Variants in CSMD1 observed in about 807,000 individuals in gnomAD.
CSMD1 encodes the protein CUB and Sushi multiple domains 1, also known as CUB and sushi domain-containing protein 1.
In CSMD1, 213 loss-of-function variants were observed where a neutral mutation model predicts 417.5. That is an observed-to-expected ratio of 0.51 (90% CI 0.46 to 0.57). The LOEUF (loss-of-function observed/expected upper bound fraction) is 0.57, where lower values mean the gene tolerates loss of function less well. Among genes scored for constraint, CSMD1 ranks in the 20% least tolerant of loss-of-function variants. CSMD1 has a pLI of 0.00. For missense variants in CSMD1, 6,923 were observed against 4,529.7 expected, an observed-to-expected ratio of 1.53 and a Z score of -15.17; for synonymous variants, 2,862 against 1,736.8, an observed-to-expected ratio of 1.65 and a Z score of -16.11.
intron 10 of CSMD1, among the ~76,000 whole-genome samples, chr8:3,514,782 T>C (rs901902668): frequency 1.3e-5 from 2 of 152,180 alleles, no homozygotes; most frequent in Non-Finnish European, 2.9e-5. Context: ...CATGATCCTT[T>C]AGTGATTAAA....
chr8:4,144,174 A>G (rs1202736349), intron 3 of CSMD1, among the ~76,000 whole-genome samples: 1 of 151,012 alleles, frequency 6.6e-6, no homozygotes, highest in African/African-American at 2.5e-5. Flanking sequence ...GGAAGACAGC[A>G]CGAATTGGCC....
chr8:4,335,119 C>G (rs1455923282), intron 3 of CSMD1, among the ~76,000 whole-genome samples: 1 of 152,078 alleles, frequency 6.6e-6, no homozygotes, highest in East Asian at 1.9e-4. Context: ...CCAGATTGAT[C>G]TTCAACTTCT....
intron 3 of CSMD1, among the ~76,000 whole-genome samples, chr8:4,184,282 C>T (rs943016400): frequency 1.3e-5 from 2 of 152,122 alleles, no homozygotes; most frequent in East Asian, 1.9e-4. Context: ...TATAATCTAA[C>T]GCTATTCAGG....
intron 12 of CSMD1, among the ~76,000 whole-genome samples, chr8:3,443,084 G>C (rs543167384): frequency 6.6e-6 from 1 of 152,308 alleles, no homozygotes; most frequent in East Asian, 1.9e-4. Context: ...TCAAGGCCAT[G>C]GACTTGCATT....
At chr8:3,709,689 T>TG (rs1277902529) in intron 6 of CSMD1, among the ~76,000 whole-genome samples, 1 of 117,672 alleles carries the variant, frequency 8.5e-6, no homozygotes, top group African/African-American at 3.1e-5. Context: ...TGTTTTTTTT[T>TG]TTTTTTTTTT....
chr8:4,164,881 A>C (rs1485040337), intron 3 of CSMD1, among the ~76,000 whole-genome samples: 1 of 52,258 alleles, frequency 1.9e-5, no homozygotes, highest in Non-Finnish European at 3.7e-5. Context: ...CATCTCAAAG[A>C]AAAAAAAAAA....
rs116115837 is a variant in CSMD1 at position 4,062,751 on chromosome 8, A to G, written c.416-30652T>C. ...ATCAAATTCAAAAAAAAAAAAAGGCAGGTTCTGCATGCTCAGTAAAATCTG... is the reference window on the plus strand; with the variant it reads ...ATCAAATTCAAAAAAAAAAAAAGGCGGGTTCTGCATGCTCAGTAAAATCTG... On this transcript the variant is annotated intron_variant, in intron 3 of 69. Coordinates refer to ENST00000635120, the MANE Select transcript of CSMD1 (RefSeq NM_033225.6). 2.6e-3 allele frequency among the ~76,000 whole-genome samples: 389 copies of G among 151,800 alleles called. 4 individuals carry two copies. The highest frequency in any genetic ancestry group is 9.0e-3 in the African/African-American group (371 of 41,450).
At chr8:4,484,396 G>C (rs957959123) in intron 2 of CSMD1, among the ~76,000 whole-genome samples, 1 of 152,036 alleles carries the variant, frequency 6.6e-6, no homozygotes, top group African/African-American at 2.4e-5. Flanking sequence ...TCTCATTCAC[G>C]AACTATATCA....
chr8:4,056,493 G>A (rs186958060), intron 3 of CSMD1, among the ~76,000 whole-genome samples: 34 of 151,320 alleles, frequency 2.2e-4, no homozygotes, highest in African/African-American at 8.2e-4. Context: ...TGAGAGTCCT[G>A]AAAAATATTG....
chr8:4,002,127 G>A lies in CSMD1; in HGVS notation c.611-4017C>T, dbSNP rs543440543. On this transcript the variant is annotated intron_variant, in intron 4 of 69. Coordinates refer to ENST00000635120, the MANE Select transcript of CSMD1 (RefSeq NM_033225.6). ...ATAAGACAAACAAAAAAACTTCATGGTACTCATGGGATAAAATGCTTAAAT... is the reference window on the plus strand; with the variant it reads ...ATAAGACAAACAAAAAAACTTCATGATACTCATGGGATAAAATGCTTAAAT... 3.1e-4 allele frequency among the ~76,000 whole-genome samples: 47 copies of A among 152,150 alleles called. No homozygotes were observed. The South Asian group carries it at 6.2e-3, about 20-fold the overall frequency.
At chr8:4,865,795 A>G (rs1277445118) in intron 1 of CSMD1, among the ~76,000 whole-genome samples, 2 of 151,892 alleles carry the variant, frequency 1.3e-5, no homozygotes, top group African/African-American at 4.8e-5. Flanking sequence ...TGCATTGCCC[A>G]GTTTTTTAAA....
intron 26 of CSMD1, among the ~76,000 whole-genome samples, chr8:3,255,491 C>G (rs926748894): frequency 6.6e-6 from 1 of 152,206 alleles, no homozygotes; most frequent in Non-Finnish European, 1.5e-5. Flanking sequence ...GCAGGCAGGC[C>G]TCCTTGAGCT....
intron 1 of CSMD1, among the ~76,000 whole-genome samples, chr8:4,873,183 G>T (rs932724354): frequency 6.6e-6 from 1 of 152,066 alleles, no homozygotes; most frequent in African/African-American, 2.4e-5. Context: ...GATAGGAGGT[G>T]GCAACAATGA....
chr8:3,510,928 C>T (rs559108468), intron 10 of CSMD1, among the ~76,000 whole-genome samples: 2 of 151,708 alleles, frequency 1.3e-5, no homozygotes, highest in African/African-American at 4.9e-5. Context: ...GATACATGCA[C>T]ACGTATGTTT....
chr8:4,620,692 G>A lies in CSMD1; in HGVS notation c.302+16650C>T, dbSNP rs1349754319. ...GAAGATAAAATCATAAGAGAAGTTA[G>A]AAAATATTTTAAACTAAATTACTAG... On this transcript the variant is annotated intron_variant, in intron 2 of 69. Transcript: ENST00000635120. Among the ~76,000 whole-genome samples the A allele has an allele frequency of 2.0e-5, 3 of 151,790 alleles. No homozygotes were observed. The South Asian group carries it at 6.2e-4, about 31-fold the overall frequency.
At chr8:3,550,774 C>T (rs10089209) in intron 10 of CSMD1, among the ~76,000 whole-genome samples, 69,729 of 152,048 alleles carry the variant, frequency 0.46, 16,328 homozygotes, top group East Asian at 0.53. Context: ...CACATATTCC[C>T]ACATCCTTCC....
At chr8:3,548,352 G>C (rs193075984) in intron 10 of CSMD1, among the ~76,000 whole-genome samples, 2 of 151,862 alleles carry the variant, frequency 1.3e-5, no homozygotes, top group Non-Finnish European at 2.9e-5. Flanking sequence ...TTACGTGATC[G>C]AGTTCTTCAG....
intron 10 of CSMD1, among the ~76,000 whole-genome samples, chr8:3,496,022 C>T (rs977966790): frequency 6.6e-6 from 1 of 152,142 alleles, no homozygotes; most frequent in East Asian, 1.9e-4. Flanking sequence ...GTATTAAGCC[C>T]AGCATGCATT....
chr8:3,912,465 G>A (rs1468111142), intron 5 of CSMD1, among the ~76,000 whole-genome samples: 1 of 152,130 alleles, frequency 6.6e-6, no homozygotes, highest in Admixed American at 6.5e-5. Flanking sequence ...CTAAACCAGA[G>A]AGGCTGCGTG....
Sources: gnomAD v4.1 joint callset for allele counts (sites outside exome capture counted in the v4.1 genomes callset) on GRCh38, gnomAD v4.1.1 for gene constraint, MANE v1.5 for transcripts, NCBI Gene and HGNC (gene_info 2026-07-23, HGNC 2026-07-21) for gene names.